The following TMEM117 variants were observed in gnomAD, a reference collection of about 807,000 sequenced individuals.
TMEM117 encodes transmembrane protein 117.
In TMEM117, 27 loss-of-function variants were observed where a neutral mutation model predicts 52.4. That is an observed-to-expected ratio of 0.51 (90% CI 0.38 to 0.71). TMEM117 has a LOEUF of 0.71. TMEM117 is among the 30% of genes least tolerant of loss of function. The pLI is 0.00. For synonymous variants in TMEM117, 215 were observed against 206.3 expected (o/e 1.04, Z -0.36); for missense variants, 556 against 630.5 (o/e 0.88, Z 1.26).
At chr12:44,183,784 A>G (rs1224468201) in intron 4 of TMEM117, among the ~76,000 whole-genome samples, 1 of 152,174 alleles carries the variant, frequency 6.6e-6, no homozygotes, top group Non-Finnish European at 1.5e-5. Flanking sequence ...TGTATCACAT[A>G]AAACAGTGAG....
At chr12:43,948,396 C>T (rs966441380) in intron 3 of TMEM117, among the ~76,000 whole-genome samples, 3 of 151,908 alleles carry the variant, frequency 2.0e-5, no homozygotes, top group African/African-American at 4.8e-5. Flanking sequence ...AGCTCTGCCT[C>T]CTGGGTTCAT....
At chr12:43,867,224 T>C (rs1592319412) in intron 2 of TMEM117, among the ~76,000 whole-genome samples, 1 of 152,230 alleles carries the variant, frequency 6.6e-6, no homozygotes, top group African/African-American at 2.4e-5. Flanking sequence ...AATTACACTT[T>C]AGCAAGATTC....
At position 44,311,799 on chromosome 12, in the gene TMEM117, AT is replaced by A. The variant is rs1950984841; in HGVS notation, c.768+12061del. 1.6e-4 allele frequency among the ~76,000 whole-genome samples: 3 copies of A among 18,944 alleles called. 1 individual carries two copies. Among genetic ancestry groups the A allele is most frequent in the Non-Finnish European group, 5.1e-4 (3 of 5,862 alleles). The allele number at this position is 18,944 out of a possible 152,430, so 12.4% of individuals were successfully genotyped here. On this transcript the variant is annotated intron_variant, in intron 6 of 7. Transcript: ENST00000266534. The stretch of plus-strand genomic sequence containing the variant: ...TATGTGTATATATGTATATATATGT[AT>A]ATATGTATATATGTATATATATGTA...
chr12:44,114,836 C>T (rs764504112), intron 3 of TMEM117, among the ~76,000 whole-genome samples: 14 of 152,150 alleles, frequency 9.2e-5, no homozygotes, highest in Non-Finnish European at 1.5e-4. Flanking sequence ...TATAAAAATG[C>T]TACTACTTCC....
At chr12:44,144,144 T>C (rs73096893) in intron 4 of TMEM117, among the ~76,000 whole-genome samples, 2,892 of 152,272 alleles carry the variant, frequency 0.019, 59 homozygotes, top group Non-Finnish European at 0.024. Flanking sequence ...GAGTTCTGAG[T>C]ATTATCTCTT....
At chr12:44,070,920 T>C (rs115692293) in intron 3 of TMEM117, among the ~76,000 whole-genome samples, 1 of 152,122 alleles carries the variant, frequency 6.6e-6, no homozygotes, top group African/African-American at 2.4e-5. Context: ...AGCCAAGGAG[T>C]AAGGAAAATC....
chr12:44,248,625 CCT>C (rs1950160087), intron 5 of TMEM117: 1 of 160,674 alleles, frequency 6.2e-6, no homozygotes, highest in Non-Finnish European at 1.4e-5. Flanking sequence ...GCTGCCCACT[CCT>C]CCCGTGAGAA....
At chr12:43,799,584 T>C in the TMEM117 span, 5 of 659,612 alleles carry the variant, frequency 7.6e-6, no homozygotes, top group Non-Finnish European at 1.2e-5. Context: ...AACAAAATCA[T>C]TAACAGAAAA....
chr12:43,974,326 G>T (rs1269660074), intron 3 of TMEM117, among the ~76,000 whole-genome samples: 6 of 152,024 alleles, frequency 3.9e-5, no homozygotes, highest in Non-Finnish European at 5.9e-5. Context: ...AGGCTTTTAA[G>T]TATTATAAAG....
intron 6 of TMEM117, among the ~76,000 whole-genome samples, chr12:44,330,462 C>T (rs1012889594): frequency 7.9e-5 from 12 of 151,880 alleles, no homozygotes; most frequent in Non-Finnish European, 1.2e-4. Context: ...TTAATAACAT[C>T]TTTATTTAAC....
At chr12:44,387,487 A>G (rs1309780021) in intron 7 of TMEM117, among the ~76,000 whole-genome samples, 2 of 152,186 alleles carry the variant, frequency 1.3e-5, no homozygotes, top group Admixed American at 1.3e-4. Flanking sequence ...TGAATGCTCA[A>G]GGATTATTGA....
chr12:43,861,343 C>CAGAT (rs1281559140), intron 2 of TMEM117, among the ~76,000 whole-genome samples: 1 of 152,164 alleles, frequency 6.6e-6, no homozygotes, highest in Non-Finnish European at 1.5e-5. Context: ...ACAGACCTCT[C>CAGAT]AGATTCTTTC....
At chr12:44,072,874 G>A (rs1947323540) in intron 3 of TMEM117, among the ~76,000 whole-genome samples, 2 of 152,120 alleles carry the variant, frequency 1.3e-5, no homozygotes, top group African/African-American at 4.8e-5. Context: ...GGCGGATCAT[G>A]AAGTCAAGAG....
At chr12:43,999,862 G>A (rs1263923548) in intron 3 of TMEM117, among the ~76,000 whole-genome samples, 2 of 152,094 alleles carry the variant, frequency 1.3e-5, no homozygotes. Flanking sequence ...ATAAAGCTTG[G>A]CTCACCACCA....
rs200441283 is a variant in TMEM117, at chr12:44,241,689, AGATAAGAAACATGCCAT to A, written c.608+30307_608+30323del. ...CATCTGGAATTTGTCATATGTTATG[AGATAAGAAACATGCCAT>A]GATATTTTAAAGCTGGCAAAACAGT... On this transcript the variant is annotated intron_variant, in intron 5 of 7. Coordinates refer to ENST00000266534, the MANE Select transcript of TMEM117 (RefSeq NM_032256.3). 2.3e-3 allele frequency among the ~76,000 whole-genome samples: 354 copies of A among 152,046 alleles called. 11 individuals carry two copies. The East Asian group carries it at 0.035, about 15-fold the overall frequency.
chr12:44,307,429 T>C (rs1397084806), intron 6 of TMEM117, among the ~76,000 whole-genome samples: 1 of 152,242 alleles, frequency 6.6e-6, no homozygotes, highest in African/African-American at 2.4e-5. Flanking sequence ...GTGTTTAACA[T>C]CTTCATTTTT....
intron 2 of TMEM117, among the ~76,000 whole-genome samples, chr12:43,888,311 T>C (rs1340234163): frequency 2.0e-5 from 3 of 152,236 alleles, no homozygotes; most frequent in Non-Finnish European, 4.4e-5. Context: ...TATGTGATTC[T>C]ATGTAGTATG....
chr12:44,314,005 G>C (rs1951023332), intron 6 of TMEM117, among the ~76,000 whole-genome samples: 1 of 151,874 alleles, frequency 6.6e-6, no homozygotes, highest in African/African-American at 2.4e-5. Context: ...GCCTTTGGCA[G>C]AGGCTTTAGG....
Position 44,083,208 on chromosome 12 carries a change from C to A in TMEM117, c.411-60317C>A, listed in dbSNP as rs116981440. Reference sequence around the variant, plus strand: ...TATAATGAAGAGCAGAGTTGCAAGACCATGGTTTATCCAAATGTTCAACTT... The same window carrying A: ...TATAATGAAGAGCAGAGTTGCAAGAACATGGTTTATCCAAATGTTCAACTT... On this transcript the variant is annotated intron_variant, in intron 3 of 7. Coordinates refer to ENST00000266534, the MANE Select transcript of TMEM117 (RefSeq NM_032256.3). Among the ~76,000 whole-genome samples, 55 of 151,960 alleles carry A rather than the reference C, an allele frequency of 3.6e-4. No individual in the cohort carries two copies. In the East Asian group the frequency reaches 0.01, roughly 28 times the overall value.
Sources: gnomAD v4.1 joint callset for allele counts (sites outside exome capture counted in the v4.1 genomes callset) on GRCh38, gnomAD v4.1.1 for gene constraint, MANE v1.5 for transcripts, NCBI Gene and HGNC (gene_info 2026-07-23, HGNC 2026-07-21) for gene names.